The following TANGO6 variants were observed in gnomAD, a reference collection of about 807,000 sequenced individuals.
The protein encoded by TANGO6 is transport and Golgi organization protein 6 homolog.
A neutral mutation model predicts 114.2 loss-of-function variants in TANGO6; 90 were observed. That is an observed-to-expected ratio of 0.79 (90% CI 0.66 to 0.94). The LOEUF (loss-of-function observed/expected upper bound fraction) is 0.94. Ranked by LOEUF, TANGO6 falls within the 40% of genes least tolerant of loss-of-function variation. The probability of loss-of-function intolerance (pLI) is 0.00; values close to 1 mark genes in which losing one functional copy is unlikely to be tolerated. For missense variants in TANGO6, 1,274 were observed against 1,315.3 expected (o/e 0.97, Z 0.49); for synonymous variants, 477 against 509.8 (o/e 0.94, Z 0.87).
intron 16 of TANGO6, among the ~76,000 whole-genome samples, chr16:69,024,288 A>G (rs935410404): frequency 5.6e-5 from 8 of 143,038 alleles, no homozygotes; most frequent in African/African-American, 1.6e-4. Flanking sequence ...TTTTTTTGAG[A>G]CAGAGTCTCG....
intron 15 of TANGO6, among the ~76,000 whole-genome samples, chr16:68,995,193 A>C (rs1295408129): frequency 2.6e-5 from 4 of 152,204 alleles, no homozygotes; most frequent in African/African-American, 9.7e-5. Context: ...GTGACTGGAA[A>C]GGGAAAGCTT....
chr16:68,872,044 A>G (rs1962278951), intron 4 of TANGO6, among the ~76,000 whole-genome samples: 2 of 151,932 alleles, frequency 1.3e-5, no homozygotes, highest in African/African-American at 4.8e-5. Flanking sequence ...AGCCTGGCCA[A>G]CATGGTGAAA....
At chr16:68,921,594 A>C (rs1402305818) in intron 12 of TANGO6, among the ~76,000 whole-genome samples, 1 of 145,116 alleles carries the variant, frequency 6.9e-6, no homozygotes, top group Non-Finnish European at 1.5e-5. Context: ...TTTTTCCACA[A>C]GGTGAGAGTG....
At chr16:68,850,146 G>T (rs1961878490) in intron 1 of TANGO6, among the ~76,000 whole-genome samples, 1 of 151,760 alleles carries the variant, frequency 6.6e-6, no homozygotes, top group African/African-American at 2.4e-5. Flanking sequence ...GCTAATTTTT[G>T]TATTTTTGGT....
intron 7 of TANGO6, among the ~76,000 whole-genome samples, chr16:68,892,333 C>T (rs900326977): frequency 6.6e-6 from 1 of 152,114 alleles, no homozygotes; most frequent in South Asian, 2.1e-4. Flanking sequence ...GAAAGAAAGC[C>T]GAGGTGCAAT....
chr16:68,867,406 C>T, intron 4 of TANGO6, 186 bp downstream of exon 4: 1 of 646,588 alleles, frequency 1.5e-6, no homozygotes, highest in Non-Finnish European at 2.6e-6. Flanking sequence ...AACTAATTCT[C>T]TTGCTCTTTT....
At chr16:68,996,460 A>G (rs1241000187) in intron 15 of TANGO6, among the ~76,000 whole-genome samples, 1 of 152,194 alleles carries the variant, frequency 6.6e-6, no homozygotes, top group East Asian at 1.9e-4. Flanking sequence ...GTAGAGTTCT[A>G]GGCCCTGAAA....
In TANGO6 at chr16:69,072,083, C is replaced by CGTGTGTGTGT. The variant is rs142254866; in HGVS notation, c.3109-11395_3109-11386dup. Among the ~76,000 whole-genome samples, 456 of 64,946 alleles carry CGTGTGTGTGT rather than the reference C, an allele frequency of 7.0e-3. 14 individuals carry two copies. The highest frequency in any genetic ancestry group is 0.027 in the African/African-American group (425 of 15,958). The allele number at this position is 64,946 out of a possible 152,430, so 42.6% of individuals were successfully genotyped here. ...TGTGTGTGTGTAGAGAGAGGGAGAC[C>CGTGTGTGTGT]GTGTGTGTGTGTGTGTATGTGTGAA... On this transcript the variant is annotated intron_variant, in intron 17 of 17. Transcript: ENST00000261778.
chr16:68,911,697 A>AGCC (rs1962925266), intron 11 of TANGO6, among the ~76,000 whole-genome samples: 1 of 152,062 alleles, frequency 6.6e-6, no homozygotes, highest in African/African-American at 2.4e-5. Context: ...TACAGGCATG[A>AGCC]GCCACTGTGC....
chr16:68,891,223 C>T (rs1962611206), intron 7 of TANGO6, among the ~76,000 whole-genome samples: 2 of 146,672 alleles, frequency 1.4e-5, no homozygotes, highest in East Asian at 2.0e-4. Context: ...ACCTGGGAGG[C>T]GGAGGTTGCA....
chr16:68,927,930 A>G lies in TANGO6; in HGVS notation c.2490A>G (p.Lys830=), dbSNP rs1963190282. The part of the protein sequence containing the change: ...VNEPSTTTSQ[K]SGSVTTEQLQ... ...AGCCCAGCACTACTACAAGTCAGAA[A>G]TCTGGAAGCGTAACCACAGAACAGC... is the stretch of plus-strand genomic sequence containing the variant. Residue 830 remains lysine, a synonymous_variant, in exon 13 of 18, where the codon AAA becomes AAG. Transcript: ENST00000261778. 6.2e-7 allele frequency: 1 copy of G among 1,613,914 alleles called. No homozygotes were observed. The highest frequency in any genetic ancestry group is 1.3e-5 in the African/African-American group (1 of 75,046).
At chr16:68,892,225 A>T (rs962749919) in intron 7 of TANGO6, among the ~76,000 whole-genome samples, 1 of 152,202 alleles carries the variant, frequency 6.6e-6, no homozygotes, top group Non-Finnish European at 1.5e-5. Context: ...CATAGCTAAG[A>T]TCATCCTATC....
At chr16:69,077,231 T>A (rs575673591) in intron 17 of TANGO6, among the ~76,000 whole-genome samples, 21 of 151,918 alleles carry the variant, frequency 1.4e-4, no homozygotes, top group South Asian at 2.1e-4. Flanking sequence ...ATTTTATTTT[T>A]TTTTAGTAGA....
At chr16:68,874,460 A>G in intron 4 of TANGO6, among the ~76,000 whole-genome samples, 1 of 152,172 alleles carries the variant, frequency 6.6e-6, no homozygotes, top group Non-Finnish European at 1.5e-5. Flanking sequence ...ATAATTGCTT[A>G]AGACGGTAAA....
At chr16:68,918,479 A>G (rs1963042022) in intron 11 of TANGO6, among the ~76,000 whole-genome samples, 1 of 152,206 alleles carries the variant, frequency 6.6e-6, no homozygotes, top group Non-Finnish European at 1.5e-5. Context: ...CGAGGAGTTT[A>G]TAATTTTGTA....
At chr16:68,896,576 TG>T (rs1345248692) in intron 7 of TANGO6, among the ~76,000 whole-genome samples, 1 of 152,120 alleles carries the variant, frequency 6.6e-6, no homozygotes, top group African/African-American at 2.4e-5. Context: ...CTCAAAGTGC[TG>T]GGATTATAGG....
At chr16:68,884,765 A>G (rs1464546123) in intron 7 of TANGO6, among the ~76,000 whole-genome samples, 1 of 152,218 alleles carries the variant, frequency 6.6e-6, no homozygotes, top group Non-Finnish European at 1.5e-5. Flanking sequence ...CCTCTAAAAA[A>G]CAGAGAGAGA....
Position 68,902,631 on chromosome 16 carries a change from T to C in TANGO6, c.1667+127T>C, listed in dbSNP as rs541961957. The C allele has an allele frequency of 1.4e-4, 109 of 806,858 alleles. 1 individual carries two copies. The highest frequency in any genetic ancestry group is 7.5e-4 in the Admixed American group (25 of 33,216). 50.0% of individuals were successfully genotyped at this position (806,858 alleles called of 1,614,324 possible). ...AAACTCAAGTGGCTCAGGTGCCTGC[T>C]ATTTATATTCTCTAAATGAAACGTG... On this transcript the variant is annotated intron_variant, in intron 9 of 17. Coordinates refer to ENST00000261778, the MANE Select transcript of TANGO6 (RefSeq NM_024562.2).
chr16:68,869,604 G>A (rs1218423733), intron 4 of TANGO6, among the ~76,000 whole-genome samples: 1 of 152,132 alleles, frequency 6.6e-6, no homozygotes, highest in Non-Finnish European at 1.5e-5. Flanking sequence ...TGCCATCCAA[G>A]GATCCCCTTC....
Sources: allele counts gnomAD v4.1 joint callset (sites outside exome capture counted in the v4.1 genomes callset), GRCh38; gene constraint gnomAD v4.1.1; transcripts MANE v1.5; gene names NCBI Gene and HGNC (gene_info 2026-07-23, HGNC 2026-07-21).